EDIL3: variants seen among roughly 807,000 people sequenced by gnomAD.
EDIL3 encodes EGF like and discoidin domains 3.
Under a neutral mutation model 67.4 loss-of-function variants are expected in EDIL3, and 37 were observed. That is an observed-to-expected ratio of 0.55 (90% CI 0.42 to 0.72). EDIL3 has a LOEUF of 0.72. Ranked by LOEUF, EDIL3 falls within the 30% of genes least tolerant of loss-of-function variation. The pLI is 0.00. For missense variants in EDIL3, 527 were observed against 586.3 expected, an observed-to-expected ratio of 0.90 and a Z score of 1.04; for synonymous variants, 195 against 196.3, an observed-to-expected ratio of 0.99 and a Z score of 0.05.
chr5:84,160,166 T>G (rs1748578076), intron 4 of EDIL3, among the ~76,000 whole-genome samples: 2 of 152,164 alleles, frequency 1.3e-5, no homozygotes, highest in African/African-American at 4.8e-5. Flanking sequence ...ACAACTCCAG[T>G]GAGGTGCCTC....
In EDIL3 at chr5:84,142,819, G is replaced by GCC. The variant is rs11329625; in HGVS notation, c.356-5467_356-5466dup. ...TTAAAAGGAGACAATGATAGACGGT[G>GCC]CCCCCCCCCCCAAGCTTTTTTTTCT... On this transcript the variant is annotated intron_variant, in intron 4 of 10. Transcript: ENST00000296591. 8.0e-4 allele frequency among the ~76,000 whole-genome samples: 110 copies of GCC among 137,122 alleles called. 1 individual carries two copies. The highest frequency in any genetic ancestry group is 2.2e-3 in the East Asian group (10 of 4,600). 90.0% of individuals were successfully genotyped at this position (137,122 alleles called of 152,430 possible).
intron 8 of EDIL3, among the ~76,000 whole-genome samples, chr5:84,064,074 T>C (rs1236200544): frequency 6.6e-6 from 1 of 152,172 alleles, no homozygotes; most frequent in Non-Finnish European, 1.5e-5. Context: ...ATTATTTAAC[T>C]CTGAGTCCTT....
intron 1 of EDIL3, among the ~76,000 whole-genome samples, chr5:84,381,857 G>T (rs1748082262): frequency 6.6e-6 from 1 of 152,096 alleles, no homozygotes; most frequent in African/African-American, 2.4e-5. Flanking sequence ...AAATAAAGAC[G>T]ACTAATAAAA....
chr5:84,038,544 T>C lies in EDIL3; in HGVS notation c.1137+21756A>G, dbSNP rs115976605. On this transcript the variant is annotated intron_variant, in intron 9 of 10. Coordinates refer to ENST00000296591, the MANE Select transcript of EDIL3 (RefSeq NM_005711.5). ...ATGCCTGACTATGTATTTGCATCCA[T>C]TACAAATACCTTGTTAGACCAGGAT... 7.0e-3 allele frequency among the ~76,000 whole-genome samples: 1,059 copies of C among 152,350 alleles called. 10 individuals carry two copies. The highest frequency in any genetic ancestry group is 0.024 in the African/African-American group (1,004 of 41,578).
intron 10 of EDIL3, among the ~76,000 whole-genome samples, chr5:83,949,693 T>C (rs1284760970): frequency 1.3e-5 from 2 of 151,824 alleles, no homozygotes; most frequent in South Asian, 2.1e-4. Context: ...AGTGTAAGCA[T>C]AGCGTTTACA....
chr5:84,329,334 T>G (rs1446595820), intron 1 of EDIL3, among the ~76,000 whole-genome samples: 1 of 152,076 alleles, frequency 6.6e-6, no homozygotes, highest in Non-Finnish European at 1.5e-5. Flanking sequence ...GTGCTGATAT[T>G]TTTCTGTAAT....
intron 6 of EDIL3, among the ~76,000 whole-genome samples, chr5:84,087,867 T>A (rs1747099822): frequency 6.6e-6 from 1 of 152,108 alleles, no homozygotes; most frequent in Non-Finnish European, 1.5e-5. Flanking sequence ...TGGGAAATAA[T>A]AAATATATTG....
intron 9 of EDIL3, among the ~76,000 whole-genome samples, chr5:84,045,678 A>G (rs1561413402): frequency 6.6e-6 from 1 of 152,242 alleles, no homozygotes; most frequent in African/African-American, 2.4e-5. Context: ...GGTCCAGAAG[A>G]CACACTATGC....
intron 2 of EDIL3, among the ~76,000 whole-genome samples, chr5:84,246,831 A>T (rs990270460): frequency 1.7e-4 from 26 of 152,286 alleles, no homozygotes; most frequent in African/African-American, 5.5e-4. Flanking sequence ...ATAAAGCAGA[A>T]ATATTTTTAC....
At position 84,092,787 on chromosome 5, in the gene EDIL3, A is replaced by G. The variant is rs1007358904; in HGVS notation, c.651+13862T>C. The stretch of plus-strand genomic sequence containing the variant: ...TAAATCAAACATTTATTCTTTTAAC[A>G]TTTGAGGAAAAAAAAAACAAAAACA... On this transcript the variant is annotated intron_variant, in intron 6 of 10. Transcript: ENST00000296591. 5.0e-5 allele frequency among the ~76,000 whole-genome samples: 4 copies of G among 80,646 alleles called. No individual in the cohort carries two copies. The East Asian group carries it at 8.2e-4, about 17-fold the overall frequency. The allele number at this position is 80,646 out of a possible 152,430, so 52.9% of individuals were successfully genotyped here. A position where few individuals can be genotyped will look rare whatever the true frequency, so the allele number is the denominator to read the frequency against.
chr5:83,995,517 T>C (rs182577406), intron 9 of EDIL3, among the ~76,000 whole-genome samples: 2 of 152,282 alleles, frequency 1.3e-5, no homozygotes, highest in African/African-American at 4.8e-5. Flanking sequence ...AAAATGAATA[T>C]TGAATCTAGG....
intron 1 of EDIL3, among the ~76,000 whole-genome samples, chr5:84,354,444 G>T (rs183716022): frequency 6.6e-6 from 1 of 152,058 alleles, no homozygotes; most frequent in Non-Finnish European, 1.5e-5. Context: ...ATCTCTTGAG[G>T]TCAGGAGTTC....
At chr5:84,010,620 T>C (rs189097742) in intron 9 of EDIL3, among the ~76,000 whole-genome samples, 74 of 152,310 alleles carry the variant, frequency 4.9e-4, no homozygotes, top group Non-Finnish European at 8.8e-4. Flanking sequence ...TAATACTGTA[T>C]ACTGTTTTGT....
intron 9 of EDIL3, among the ~76,000 whole-genome samples, chr5:84,033,013 G>A (rs1311895494): frequency 6.6e-6 from 1 of 152,122 alleles, no homozygotes; most frequent in South Asian, 2.1e-4. Context: ...TGGCCCCTCT[G>A]TTGGTTTCAA....
At chr5:84,288,125 T>C (rs1745845416) in intron 1 of EDIL3, among the ~76,000 whole-genome samples, 1 of 152,184 alleles carries the variant, frequency 6.6e-6, no homozygotes, top group East Asian at 1.9e-4. Context: ...GTCTTTCTCA[T>C]CTCAGTTAAC....
chr5:84,107,973 T>G (rs1377441586), intron 5 of EDIL3, among the ~76,000 whole-genome samples: 1 of 151,068 alleles, frequency 6.6e-6, no homozygotes. Context: ...AAAAATATAC[T>G]ACAATAATTT....
intron 1 of EDIL3, among the ~76,000 whole-genome samples, chr5:84,333,188 A>T (rs1391264947): frequency 6.6e-6 from 1 of 152,174 alleles, no homozygotes; most frequent in Non-Finnish European, 1.5e-5. Flanking sequence ...TAATAATTAC[A>T]TACATTTATA....
intron 1 of EDIL3, among the ~76,000 whole-genome samples, chr5:84,261,013 G>T (rs1745214710): frequency 1.3e-5 from 2 of 152,144 alleles, no homozygotes; most frequent in Admixed American, 6.5e-5. Flanking sequence ...GCAGCTCTGT[G>T]CATTACAACC....
At chr5:83,944,105 C>T (rs1235422264) in intron 10 of EDIL3, among the ~76,000 whole-genome samples, 1 of 151,998 alleles carries the variant, frequency 6.6e-6, no homozygotes, top group Non-Finnish European at 1.5e-5. Flanking sequence ...ATGACTCCAG[C>T]CTAACAGCAA....
Sources: gnomAD v4.1 joint callset for allele counts (sites outside exome capture counted in the v4.1 genomes callset) on GRCh38, gnomAD v4.1.1 for gene constraint, MANE v1.5 for transcripts, NCBI Gene and HGNC (gene_info 2026-07-23, HGNC 2026-07-21) for gene names.